The following DOCK9 variants were observed in gnomAD, a reference collection of about 807,000 sequenced individuals.
The protein encoded by DOCK9 is dedicator of cytokinesis protein 9.
A neutral mutation model predicts 263.3 loss-of-function variants in DOCK9; 89 were observed. That is an observed-to-expected ratio of 0.34 (90% CI 0.28 to 0.40). DOCK9 has a LOEUF of 0.40. Ranked by LOEUF, DOCK9 falls within the 10% of genes least tolerant of loss-of-function variation. DOCK9 has a pLI of 1.00. For synonymous variants in DOCK9, 976 were observed against 973.1 expected (o/e 1.00, Z -0.06); for missense variants, 2,140 against 2,603.4 (o/e 0.82, Z 3.87).
chr13:98,793,500 G>A lies in DOCK9; in HGVS notation c.*1126C>T, dbSNP rs1460223986. ...GCAGCCACCCCAAATGGTCAGCAAT[G>A]TCTTTTTAATACAGATGTGGTACAG... On this transcript the variant is annotated 3_prime_UTR_variant, in exon 53 of 53. Transcript: ENST00000682017. 6.6e-6 allele frequency: 1 copy of A among 152,582 alleles called. No individual in the cohort carries two copies. The highest frequency in any genetic ancestry group is 2.4e-5 in the African/African-American group (1 of 41,444). The allele number at this position is 152,582 out of a possible 1,614,324, so 9.5% of individuals were successfully genotyped here. A position where few individuals can be genotyped will look rare whatever the true frequency, so the allele number is the denominator to read the frequency against.
intron 2 of DOCK9, among the ~76,000 whole-genome samples, chr13:98,939,946 G>C (rs2055540614): frequency 6.6e-6 from 1 of 152,202 alleles, no homozygotes; most frequent in Admixed American, 6.5e-5. Flanking sequence ...GGTTGCACTG[G>C]TCTGTACATT....
In DOCK9 at chr13:98,883,078, G is replaced by C; in HGVS notation, c.2523C>G (p.Ala841=). 1 of 1,613,866 alleles carries C rather than the reference G, an allele frequency of 6.2e-7. No homozygotes were observed. The highest frequency in any genetic ancestry group is 1.1e-5 in the South Asian group (1 of 91,042). The change falls in exon 23 of 53, where the codon GCC becomes GCG. Residue 841 remains alanine (A), a synonymous_variant. Transcript: ENST00000682017. ...TTACAAGTTCGTTTCCTAAGGCTTG[G>C]GCTCCAGATTCGGTTTTCTGACAGT... ...FQYCQKTESG[A]QALGNELVKY... is the part of the protein sequence containing the mutation.
At chr13:99,006,201 C>T (rs1324866129) in intron 1 of DOCK9, among the ~76,000 whole-genome samples, 1 of 152,160 alleles carries the variant, frequency 6.6e-6, no homozygotes, top group Non-Finnish European at 1.5e-5. Flanking sequence ...TTTTGTTTCT[C>T]AAACTGGCAA....
Position 98,901,867 on chromosome 13 carries a change from T to C in DOCK9, c.1414A>G (p.Ile472Val), listed in dbSNP as rs768070978. 4.3e-6 allele frequency: 7 copies of C among 1,612,886 alleles called. No individual in the cohort carries two copies. In the Admixed American group the frequency reaches 6.7e-5, roughly 15 times the overall value. ...TTTTCAATTCTGGCCACAAGAAATATATCTGGATGAGGACAAGTGACTGAA... is the reference window on the plus strand; with the variant it reads ...TTTTCAATTCTGGCCACAAGAAATACATCTGGATGAGGACAAGTGACTGAA... Reference protein sequence around the residue: ...IFSVTCPHPDIFLVARIEKVL... With the variant: ...IFSVTCPHPDVFLVARIEKVL... Residue 472 changes from isoleucine to valine, a missense_variant, in exon 13 of 53, where the codon ATA becomes GTA. By Grantham distance (29) the Ile-to-Val change is conservative (BLOSUM62 3). Coordinates refer to ENST00000682017, the MANE Select transcript of DOCK9 (RefSeq NM_001366683.2).
chr13:99,037,062 A>G (rs566533230), intron 1 of DOCK9, among the ~76,000 whole-genome samples: 44 of 152,354 alleles, frequency 2.9e-4, no homozygotes, highest in Non-Finnish European at 4.3e-4. Context: ...ATTTTTTAAA[A>G]AGACAACAAC....
chr13:98,993,348 AAAC>A (rs1294378267), intron 1 of DOCK9, among the ~76,000 whole-genome samples: 13 of 152,350 alleles, frequency 8.5e-5, no homozygotes, highest in Admixed American at 7.2e-4. Flanking sequence ...GTGACATGAG[AAAC>A]AATTTAAGCA....
At chr13:98,859,771 A>G (rs1171567129) in intron 33 of DOCK9, 1 of 147,962 alleles carries the variant, frequency 6.8e-6, no homozygotes, top group Non-Finnish European at 1.5e-5. Flanking sequence ...ATATATATAT[A>G]TGTAAACTGC....
chr13:98,913,024 TACAATGGTGGC>T (rs2050303275), intron 9 of DOCK9, among the ~76,000 whole-genome samples: 1 of 152,190 alleles, frequency 6.6e-6, no homozygotes. Context: ...GGAGGTGGTT[TACAATGGTGGC>T]ACTAAAATTA....
chr13:99,052,776 T>C (rs946651072), intron 1 of DOCK9, among the ~76,000 whole-genome samples: 2 of 152,164 alleles, frequency 1.3e-5, no homozygotes, highest in African/African-American at 4.8e-5. Context: ...TCTTTTTTTT[T>C]TTTTTTAAGT....
At chr13:98,867,163 AAT>A in intron 30 of DOCK9, 1 of 532,148 alleles carries the variant, frequency 1.9e-6, no homozygotes, top group Non-Finnish European at 3.4e-6. Context: ...TAGCAACTGA[AAT>A]AGATTCCTTT....
intron 2 of DOCK9, among the ~76,000 whole-genome samples, chr13:98,948,474 C>T (rs1212573830): frequency 1.3e-5 from 2 of 152,198 alleles, no homozygotes; most frequent in Non-Finnish European, 2.9e-5. Context: ...AGGATGACAA[C>T]AGTTTCCCAC....
rs796397614 is a variant in DOCK9, at chr13:98,880,438, G to T, written c.2871+109C>A. On this transcript the variant is annotated intron_variant, in intron 26 of 52. Coordinates refer to ENST00000682017, the MANE Select transcript of DOCK9 (RefSeq NM_001366683.2). Reference sequence around the variant, plus strand: ...TCAGAGAACACTACCCCTTTTTAGGGAGTGGTGTTTGTCTCTAAGAGCACT... The same window carrying T: ...TCAGAGAACACTACCCCTTTTTAGGTAGTGGTGTTTGTCTCTAAGAGCACT... 10 of 1,413,316 alleles carry T rather than the reference G, an allele frequency of 7.1e-6. No individual in the cohort carries two copies. The African/African-American group carries it at 1.3e-4, about 18-fold the overall frequency. The allele number at this position is 1,413,316 out of a possible 1,614,324, so 87.5% of individuals were successfully genotyped here.
At chr13:98,927,158 C>A (rs2053104558) in intron 3 of DOCK9, among the ~76,000 whole-genome samples, 1 of 152,248 alleles carries the variant, frequency 6.6e-6, no homozygotes, top group African/African-American at 2.4e-5. Context: ...AGCGCAAAGT[C>A]AGATTTTGGA....
Position 98,959,893 on chromosome 13 carries a change from C to T in DOCK9, c.127-4342G>A, listed in dbSNP as rs114265491. ...TTCAACTCTTTTTTAAACTGTGATT[C>T]ACTGGTGACAGCTGTTCACTGTTCT... On this transcript the variant is annotated intron_variant, in intron 1 of 52. Coordinates refer to ENST00000682017, the MANE Select transcript of DOCK9 (RefSeq NM_001366683.2). 3.9e-4 allele frequency among the ~76,000 whole-genome samples: 60 copies of T among 152,274 alleles called. 1 individual carries two copies. Among genetic ancestry groups the T allele is most frequent in the African/African-American group, 1.4e-3 (58 of 41,550 alleles).
At chr13:99,049,760 C>A (rs2040601864) in intron 1 of DOCK9, among the ~76,000 whole-genome samples, 1 of 152,328 alleles carries the variant, frequency 6.6e-6, no homozygotes, top group East Asian at 1.9e-4. Context: ...TCAAAAGATA[C>A]TCCCACCTCA....
At chr13:98,813,129 C>G (rs532280372) in intron 45 of DOCK9, among the ~76,000 whole-genome samples, 132 of 152,122 alleles carry the variant, frequency 8.7e-4, no homozygotes, top group Non-Finnish European at 1.3e-3. Context: ...ATGGACTTAA[C>G]AGTTTTAGTA....
At chr13:98,804,682 A>G (rs1261162305) in intron 49 of DOCK9, among the ~76,000 whole-genome samples, 2 of 152,212 alleles carry the variant, frequency 1.3e-5, no homozygotes, top group South Asian at 2.1e-4. Flanking sequence ...CCTGGAGTCC[A>G]TAAGTCACCT....
intron 15 of DOCK9, among the ~76,000 whole-genome samples, chr13:98,894,826 T>C (rs192208846): frequency 1.7e-3 from 251 of 151,694 alleles, no homozygotes; most frequent in East Asian, 4.6e-3. Context: ...AGTCAAAAAA[T>C]GGCTGGGCAT....
chr13:98,824,374 G>A, intron 45 of DOCK9, 24 bp downstream of exon 45: 2 of 1,607,112 alleles, frequency 1.2e-6, no homozygotes, highest in Non-Finnish European at 1.7e-6. Context: ...GTACCTGAAA[G>A]CCCACATGAG....
Sources: gnomAD v4.1 joint callset for allele counts (sites outside exome capture counted in the v4.1 genomes callset) on GRCh38, gnomAD v4.1.1 for gene constraint, MANE v1.5 for transcripts, NCBI Gene and HGNC (gene_info 2026-07-23, HGNC 2026-07-21) for gene names.